The following GOLGB1 variants were observed in gnomAD, a reference collection of about 807,000 sequenced individuals.
The protein encoded by GOLGB1 is golgin subfamily B member 1.
GOLGB1 carries 174 observed loss-of-function variants against 336.9 expected under a neutral mutation model. The ratio of observed to expected loss-of-function variants is 0.52; its 90% confidence interval spans 0.46 to 0.59. The LOEUF is 0.59. Among genes scored for constraint, GOLGB1 ranks in the 20% least tolerant of loss-of-function variants. The pLI, the probability that GOLGB1 is intolerant of heterozygous loss-of-function variation, is 0.00. For missense variants in GOLGB1, 3,331 were observed against 3,645.3 expected (o/e 0.91, Z 2.22); for synonymous variants, 1,208 against 1,289.2 (o/e 0.94, Z 1.35).
intron 5 of GOLGB1, among the ~76,000 whole-genome samples, chr3:121,726,071 T>C (rs1324142808): frequency 6.6e-6 from 1 of 150,786 alleles, no homozygotes; most frequent in East Asian, 1.9e-4. Context: ...GATAAAAGCA[T>C]ACCAGAGCCA....
In GOLGB1 at chr3:121,729,864, C is replaced by T. The variant is rs1297826856; in HGVS notation, c.249+1G>A. 1.9e-5 allele frequency: 30 copies of T among 1,605,946 alleles called. No individual in the cohort carries two copies. The highest frequency in any genetic ancestry group is 2.6e-5 in the Non-Finnish European group (30 of 1,174,086). On this transcript the variant is annotated splice_donor_variant, in intron 3 of 21. Coordinates refer to ENST00000614479, the MANE Select transcript of GOLGB1 (RefSeq NM_001366282.2). LOFTEE classifies it high-confidence loss of function. Reference sequence around the variant, plus strand: ...ACAAGAAAGGATAAAAACAATAGTACCTGTAGAGCTTCATCTTTCTGCTGC... The same window carrying T: ...ACAAGAAAGGATAAAAACAATAGTATCTGTAGAGCTTCATCTTTCTGCTGC...
chr3:121,718,420 G>C lies in GOLGB1; in HGVS notation c.853C>G (p.Gln285Glu), dbSNP rs1944934261. Reference sequence around the variant, plus strand: ...CTCTGCTCAGCAGCAGTCAGCTCCTGTTGCAGCAAGTCAACGACCTGAGCA... The same window carrying C: ...CTCTGCTCAGCAGCAGTCAGCTCCTCTTGCAGCAAGTCAACGACCTGAGCA... ...GRAQVVDLLQ[Q>E]ELTAAEQRNQ... The change falls in exon 8 of 22, where the codon CAG becomes GAG. Residue 285 changes from glutamine (Q) to glutamate (E), a missense_variant. Transcript: ENST00000614479. 6.2e-7 allele frequency: 1 copy of C among 1,613,324 alleles called. No individual in the cohort carries two copies. Among genetic ancestry groups the C allele is most frequent in the Non-Finnish European group, 8.5e-7 (1 of 1,179,250 alleles).
intron 10 of GOLGB1, among the ~76,000 whole-genome samples, chr3:121,713,958 G>T (rs750121420): frequency 2.0e-5 from 3 of 152,172 alleles, no homozygotes; most frequent in Non-Finnish European, 4.4e-5. Flanking sequence ...TAAAGCAAAC[G>T]TGCTAAAATG....
intron 19 of GOLGB1, 46 bp downstream of exon 19, chr3:121,668,015 C>G: frequency 4.1e-6 from 4 of 980,214 alleles, no homozygotes; most frequent in Non-Finnish European, 4.7e-6. Context: ...TGCCCAATTT[C>G]TGGACTCTGG....
chr3:121,735,110 T>C (rs1393030888), intron 1 of GOLGB1, among the ~76,000 whole-genome samples: 2 of 152,160 alleles, frequency 1.3e-5, no homozygotes, highest in African/African-American at 2.4e-5. Context: ...CACACAAATA[T>C]AGTTGTCAGG....
rs1942934287 is a variant in GOLGB1 at position 121,696,245 on chromosome 3, A to G, written c.4278T>C (p.Ala1426=). ...LSGQLSEKEA[A]LTKIQTEIIE... ...TTATCTCTGTCTGTATTTTAGTGAG[A>G]GCTGCTTCTTTCTCACTAAGTTGTC... The change falls in exon 13 of 22, where the codon GCT becomes GCC. Residue 1426 remains alanine, a synonymous_variant. Transcript: ENST00000614479. The G allele has an allele frequency of 6.2e-7, 1 of 1,614,036 alleles. No homozygotes were observed. The highest frequency in any genetic ancestry group is 8.5e-7 in the Non-Finnish European group (1 of 1,179,984).
Position 121,683,053 on chromosome 3 carries a change from A to ATTTTTTTTTTTTTTT in GOLGB1, c.8695-1203_8695-1189dup, listed in dbSNP as rs746649684. ...GCTGCTTAAGAAGCAATTTCTTTTA[A>ATTTTTTTTTTTTTTT]TTTTTTTTTTTTTTTTTTTTTTTTT... On this transcript the variant is annotated intron_variant, in intron 14 of 21. Coordinates refer to ENST00000614479, the MANE Select transcript of GOLGB1 (RefSeq NM_001366282.2). 3.1e-3 allele frequency among the ~76,000 whole-genome samples: 254 copies of ATTTTTTTTTTTTTTT among 82,496 alleles called. 32 individuals are homozygous for ATTTTTTTTTTTTTTT. Among genetic ancestry groups the ATTTTTTTTTTTTTTT allele is most frequent in the Middle Eastern group, 8.8e-3 (1 of 114 alleles). The allele number at this position is 82,496 out of a possible 152,430, so 54.1% of individuals were successfully genotyped here.
At chr3:121,701,794 C>G (rs1173586273) in intron 11 of GOLGB1, among the ~76,000 whole-genome samples, 1 of 152,034 alleles carries the variant, frequency 6.6e-6, no homozygotes, top group South Asian at 2.1e-4. Context: ...GGCCCCTGCC[C>G]TTGAAGAGCT....
At chr3:121,668,691 A>C (rs1048219708) in intron 18 of GOLGB1, among the ~76,000 whole-genome samples, 8 of 151,656 alleles carry the variant, frequency 5.3e-5, no homozygotes, top group African/African-American at 1.9e-4. Flanking sequence ...AAAAAAAAAA[A>C]AAAAAGTTAA....
At chr3:121,664,885 C>T in intron 21 of GOLGB1, 41 bp downstream of exon 21, 1 of 1,211,880 alleles carries the variant, frequency 8.3e-7, no homozygotes, top group Non-Finnish European at 1.2e-6. Context: ...CCAGCCCTGT[C>T]AGATAATAAA....
intron 1 of GOLGB1, among the ~76,000 whole-genome samples, chr3:121,740,317 C>T (rs1946765959): frequency 6.6e-6 from 1 of 152,078 alleles, no homozygotes; most frequent in Non-Finnish European, 1.5e-5. Context: ...GAAGAAACAA[C>T]AAAGTGTATA....
At chr3:121,747,234 TAAC>T (rs1466202045) in intron 1 of GOLGB1, among the ~76,000 whole-genome samples, 4 of 134,814 alleles carry the variant, frequency 3.0e-5, no homozygotes, top group Non-Finnish European at 6.3e-5. Flanking sequence ...GGATGTTACA[TAAC>T]AAAACAAAAA....
intron 17 of GOLGB1, among the ~76,000 whole-genome samples, chr3:121,675,714 C>G (rs1260480348): frequency 2.0e-5 from 3 of 152,098 alleles, no homozygotes; most frequent in Non-Finnish European, 4.4e-5. Flanking sequence ...TCATGCTGTA[C>G]TTATGATTTG....
rs146615007 is a variant in GOLGB1, at chr3:121,696,923, C to G, written c.3600G>C (p.Gln1200His). ...CCTCCCTGAGATGTCTTTCTTTCTC[C>G]TGTGCCTTTTTAAGAATTGCCTTGC... ...TSRKAILKKA[Q>H]EKERHLREEL... Residue 1200 changes from glutamine (Q) to histidine (H), a missense_variant, in exon 13 of 22, where the codon CAG becomes CAC. Gln to His is a conservative substitution (Grantham distance 24). Coordinates refer to ENST00000614479, the MANE Select transcript of GOLGB1 (RefSeq NM_001366282.2). 6.2e-7 allele frequency: 1 copy of G among 1,614,034 alleles called. No individual in the cohort carries two copies. The highest frequency in any genetic ancestry group is 1.3e-5 in the African/African-American group (1 of 75,002).
chr3:121,692,123 T>G lies in GOLGB1; in HGVS notation c.7241A>C (p.Glu2414Ala). The part of the protein sequence containing the change: ...IAELRQQHDK[E>A]IKELENLLSQ... ...CAGCAGGTTTTCCAGCTCTTTAATTTCTTTATCATGTTGCTGACGCAGTTC... is the reference window on the plus strand; with the variant it reads ...CAGCAGGTTTTCCAGCTCTTTAATTGCTTTATCATGTTGCTGACGCAGTTC... Residue 2414 changes from glutamate (E) to alanine (A), a missense_variant, in exon 14 of 22, where the codon GAA (glutamate) becomes GCA (alanine). Glu to Ala is a moderately radical substitution (Grantham distance 107). Coordinates refer to ENST00000614479, the MANE Select transcript of GOLGB1 (RefSeq NM_001366282.2). The G allele has an allele frequency of 6.2e-7, 1 of 1,613,594 alleles. No individual in the cohort carries two copies. The highest frequency in any genetic ancestry group is 8.5e-7 in the Non-Finnish European group (1 of 1,179,768).
At chr3:121,725,746 G>A (rs548727662) in intron 5 of GOLGB1, among the ~76,000 whole-genome samples, 23 of 152,246 alleles carry the variant, frequency 1.5e-4, no homozygotes, top group Middle Eastern at 3.4e-3. Flanking sequence ...TCTGAACTCA[G>A]CAATGGATTA....
At chr3:121,744,618 CAA>C (rs200070177) in intron 1 of GOLGB1, among the ~76,000 whole-genome samples, 29 of 59,918 alleles carry the variant, frequency 4.8e-4, no homozygotes, top group Admixed American at 7.9e-4. Flanking sequence ...GACCTTGTCT[CAA>C]AAAAAAAAAA....
At chr3:121,719,204 T>G (rs1400802042) in intron 7 of GOLGB1, among the ~76,000 whole-genome samples, 5 of 152,188 alleles carry the variant, frequency 3.3e-5, no homozygotes, top group Non-Finnish European at 7.3e-5. Context: ...GAAGCCAATT[T>G]TCAAAATCTA....
intron 20 of GOLGB1, 25 bp from the exon 21 acceptor site, chr3:121,665,056 T>C (rs1355443489): frequency 7.7e-7 from 1 of 1,292,448 alleles, no homozygotes; most frequent in Non-Finnish European, 1.1e-6. Context: ...AAAAGAGGCA[T>C]AGCATTGGTT....
Sources: gnomAD v4.1 joint callset for allele counts (sites outside exome capture counted in the v4.1 genomes callset) on GRCh38, gnomAD v4.1.1 for gene constraint, MANE v1.5 for transcripts, NCBI Gene and HGNC (gene_info 2026-07-23, HGNC 2026-07-21) for gene names.